Variants in NAV3 observed in about 807,000 individuals in gnomAD.
NAV3 encodes the protein pore membrane and/or filament interacting like protein 1.
Under a neutral mutation model 244.7 loss-of-function variants are expected in NAV3, and 87 were observed. That is an observed-to-expected ratio of 0.36 (90% confidence interval 0.30 to 0.42). NAV3 has a LOEUF of 0.42. NAV3 is among the 20% of genes least tolerant of loss of function. The pLI is 1.00. For missense variants in NAV3, 2,663 were observed against 2,893.3 expected, an observed-to-expected ratio of 0.92 and a Z score of 1.83; for synonymous variants, 1,126 against 1,042.2, an observed-to-expected ratio of 1.08 and a Z score of -1.55.
intron 1 of NAV3, among the ~76,000 whole-genome samples, chr12:77,873,677 G>GTT (rs1881340581): frequency 1.4e-5 from 1 of 69,432 alleles, no homozygotes; most frequent in Non-Finnish European, 3.2e-5. Context: ...TGATTTGTAT[G>GTT]TGTATATATA....
intron 12 of NAV3, among the ~76,000 whole-genome samples, chr12:78,108,209 A>G (rs1341886163): frequency 6.6e-6 from 1 of 152,176 alleles, no homozygotes; most frequent in Non-Finnish European, 1.5e-5. Context: ...AATAAAAAAG[A>G]CAAAGGATGT....
chr12:77,834,386 TC>T (rs1874257824), intron 1 of NAV3, among the ~76,000 whole-genome samples: 4 of 152,218 alleles, frequency 2.6e-5, no homozygotes, highest in African/African-American at 2.4e-5. Flanking sequence ...AGTTCTCAGT[TC>T]AAAGTGAACA....
At chr12:77,705,668 T>C (rs943076912) in intron 2 of NAV3, among the ~76,000 whole-genome samples, 2 of 151,294 alleles carry the variant, frequency 1.3e-5, no homozygotes, top group East Asian at 3.9e-4. Flanking sequence ...TTCGCCTGGA[T>C]TGTTTGTTCC....
intron 3 of NAV3, among the ~76,000 whole-genome samples, chr12:77,953,259 G>GGAACCCATA (rs1891066192): frequency 6.6e-6 from 1 of 152,084 alleles, no homozygotes; most frequent in East Asian, 1.9e-4. Context: ...CCATATCTAT[G>GGAACCCATA]TCTATACAGC....
intron 1 of NAV3, among the ~76,000 whole-genome samples, chr12:77,867,480 C>G (rs775007636): frequency 2.0e-5 from 3 of 152,054 alleles, no homozygotes; most frequent in African/African-American, 7.2e-5. Context: ...AGTGCAGTGG[C>G]GCGATCTCAG....
intron 1 of NAV3, among the ~76,000 whole-genome samples, chr12:77,870,119 C>T (rs1880714729): frequency 6.6e-6 from 1 of 152,058 alleles, no homozygotes; most frequent in Non-Finnish European, 1.5e-5. Flanking sequence ...GTAATCCCAG[C>T]ACTTAGGGAG....
chr12:78,104,216 A>G (rs1412041665), intron 12 of NAV3, among the ~76,000 whole-genome samples: 4 of 152,182 alleles, frequency 2.6e-5, no homozygotes, highest in Middle Eastern at 3.2e-3. Flanking sequence ...TTACATGTAC[A>G]TGTGTAAGTA....
rs755975061 is a variant in NAV3 at position 77,895,955 on chromosome 12, TAAAAA to T, written c.244-44344_244-44340del. ...ACTGCCTTTTGATCTCAATTTCCAG[TAAAAA>T]AAAAAAAAAAAAAAAAAAAGAGGAA... On this transcript the variant is annotated intron_variant, in intron 1 of 39. Coordinates refer to ENST00000397909, the MANE Select transcript of NAV3 (RefSeq NM_001024383.2). Among the ~76,000 whole-genome samples, 353 of 104,582 alleles carry T rather than the reference TAAAAA, an allele frequency of 3.4e-3. 1 individual carries two copies. Among genetic ancestry groups the T allele is most frequent in the Middle Eastern group, 0.012 (2 of 166 alleles). The allele number at this position is 104,582 out of a possible 152,430, so 68.6% of individuals were successfully genotyped here. A position where few individuals can be genotyped will look rare whatever the true frequency, so the allele number is the denominator to read the frequency against.
intron 1 of NAV3, among the ~76,000 whole-genome samples, chr12:77,898,354 C>T (rs556181075): frequency 5.9e-5 from 9 of 151,972 alleles, no homozygotes; most frequent in African/African-American, 2.2e-4. Context: ...CATGATCCTA[C>T]TATATTTACA....
chr12:77,900,240 C>T (rs142492857), intron 1 of NAV3, among the ~76,000 whole-genome samples: 2 of 152,030 alleles, frequency 1.3e-5, no homozygotes, highest in African/African-American at 4.8e-5. Context: ...CCACGCCCAG[C>T]TAATTTTTTG....
intron 9 of NAV3, among the ~76,000 whole-genome samples, chr12:78,029,589 C>T (rs991684010): frequency 6.6e-6 from 1 of 152,100 alleles, no homozygotes; most frequent in Non-Finnish European, 1.5e-5. Context: ...GGCCCACTTC[C>T]CAGTCCCTCA....
chr12:77,728,910 C>T (rs1314210317), intron 2 of NAV3, among the ~76,000 whole-genome samples: 1 of 151,854 alleles, frequency 6.6e-6, no homozygotes, highest in Non-Finnish European at 1.5e-5. Flanking sequence ...CCTACTCATC[C>T]TCCTCCTCAG....
chr12:78,046,655 G>A (rs867833254), intron 9 of NAV3, among the ~76,000 whole-genome samples: 1 of 152,148 alleles, frequency 6.6e-6, no homozygotes, highest in African/African-American at 2.4e-5. Flanking sequence ...TTCCAATTAT[G>A]TGATCAGTTT....
intron 2 of NAV3, among the ~76,000 whole-genome samples, chr12:77,625,867 A>G (rs1285271587): frequency 3.9e-5 from 6 of 152,236 alleles, no homozygotes; most frequent in African/African-American, 1.4e-4. Flanking sequence ...ATATATCAAC[A>G]TAAGGACACA....
At chr12:77,610,099 A>G (rs1352454092) in intron 2 of NAV3, among the ~76,000 whole-genome samples, 4 of 151,966 alleles carry the variant, frequency 2.6e-5, no homozygotes, top group South Asian at 2.1e-4. Context: ...TAATCTCACA[A>G]GGCGTTCTTG....
intron 18 of NAV3, among the ~76,000 whole-genome samples, chr12:78,129,854 C>T (rs1217088258): frequency 6.6e-6 from 1 of 152,126 alleles, no homozygotes; most frequent in Non-Finnish European, 1.5e-5. Context: ...TTACCTTTGT[C>T]AAACTATCCC....
At chr12:77,593,403 C>T (rs1032976727) in intron 2 of NAV3, among the ~76,000 whole-genome samples, 20 of 151,492 alleles carry the variant, frequency 1.3e-4, no homozygotes, top group Non-Finnish European at 5.9e-5. Flanking sequence ...TTCTCTCTTC[C>T]AAACAGCCAA....
At position 78,140,206 on chromosome 12, in the gene NAV3, T is replaced by C. The variant is rs535255112; in HGVS notation, c.4631-76T>C. ...TTAATTTCCCTAACCACCCGTTCTT[T>C]ACTTTTTCTGTAAAGGCTGGAATTT... On this transcript the variant is annotated intron_variant, in intron 19 of 39. Coordinates refer to ENST00000397909, the MANE Select transcript of NAV3 (RefSeq NM_001024383.2). 50 of 1,228,162 alleles carry C rather than the reference T, an allele frequency of 4.1e-5. No homozygotes were observed. The East Asian group carries it at 1.1e-3, about 28-fold the overall frequency. The allele number at this position is 1,228,162 out of a possible 1,614,324, so 76.1% of individuals were successfully genotyped here.
intron 22 of NAV3, among the ~76,000 whole-genome samples, chr12:78,151,682 G>A (rs556745547): frequency 1.3e-5 from 2 of 151,798 alleles, no homozygotes; most frequent in South Asian, 4.2e-4. Context: ...CTTTAGTTTT[G>A]TATTTTGAAT....
Sources: gnomAD v4.1 joint callset for allele counts (sites outside exome capture counted in the v4.1 genomes callset) on GRCh38, gnomAD v4.1.1 for gene constraint, MANE v1.5 for transcripts, NCBI Gene and HGNC (gene_info 2026-07-23, HGNC 2026-07-21) for gene names.